THADA: variants seen among roughly 807,000 people sequenced by gnomAD.
The protein encoded by THADA is tRNA (32-2'-O)-methyltransferase regulator THADA.
A neutral mutation model predicts 219.8 loss-of-function variants in THADA; 213 were observed. The observed-to-expected ratio is 0.97, with a 90% CI of 0.87 to 1.09. The LOEUF (loss-of-function observed/expected upper bound fraction) is 1.09, where lower values mean the gene tolerates loss of function less well. Among genes scored for constraint, THADA ranks in the 50% least tolerant of loss-of-function variants. The probability of loss-of-function intolerance (pLI) is 0.00; values close to 1 mark genes in which losing one functional copy is unlikely to be tolerated. For synonymous variants in THADA, 1,018 were observed against 828.9 expected (o/e 1.23, Z -3.92); for missense variants, 2,956 against 2,311.3 (o/e 1.28, Z -5.72).
intron 31 of THADA, among the ~76,000 whole-genome samples, chr2:43,312,265 C>G (rs1056134113): frequency 6.6e-6 from 1 of 150,746 alleles, no homozygotes; most frequent in African/African-American, 2.4e-5. Flanking sequence ...TTGACTAGAA[C>G]GGTATTTCAC....
intron 21 of THADA, among the ~76,000 whole-genome samples, chr2:43,529,850 T>A (rs941037948): frequency 2.6e-5 from 4 of 152,184 alleles, no homozygotes; most frequent in African/African-American, 9.6e-5. Flanking sequence ...GTTAAACATG[T>A]CATCATGGGC....
chr2:43,428,117 A>G lies in THADA; in HGVS notation c.4041T>C (p.Phe1347=). ...GACACTACCTCATAATGAAGGGAAC[A>G]AAAGGTCCCATGCTGAGAGCAGAAG... The part of the protein sequence containing the change: ...GTSSALSMGP[F]VPFIMRCGHS... Residue 1347 remains phenylalanine, a synonymous_variant, in exon 28 of 38, where the codon TTT becomes TTC. Coordinates refer to ENST00000405975, the MANE Select transcript of THADA (RefSeq NM_022065.5). 6.2e-7 allele frequency: 1 copy of G among 1,609,242 alleles called. No homozygotes were observed. The highest frequency in any genetic ancestry group is 1.1e-5 in the South Asian group (1 of 90,818).
intron 28 of THADA, among the ~76,000 whole-genome samples, chr2:43,401,406 G>A (rs1674818713): frequency 6.6e-6 from 1 of 152,064 alleles, no homozygotes; most frequent in Non-Finnish European, 1.5e-5. Flanking sequence ...AGCCTCCCGA[G>A]TAGCTGGGAT....
At chr2:43,482,319 T>C (rs1686323879) in intron 26 of THADA, among the ~76,000 whole-genome samples, 1 of 152,158 alleles carries the variant, frequency 6.6e-6, no homozygotes, top group South Asian at 2.1e-4. Flanking sequence ...TCTACACACT[T>C]ACAAAGGATC....
chr2:43,505,725 G>A lies in THADA; in HGVS notation c.3518C>T (p.Ala1173Val). 1.3e-6 allele frequency: 2 copies of A among 1,578,866 alleles called. No individual in the cohort carries two copies. The highest frequency in any genetic ancestry group is 1.7e-4 in the Middle Eastern group (1 of 6,022). ...CATTCTGCCTTTCTTTGGTTCAGAT[G>A]CCAACAGTGCCTATGGAAAAAGAAT... ...GIPFYIQALLASEPKKGRMDL... is the reference protein window; with the variant it reads ...GIPFYIQALLVSEPKKGRMDL... Residue 1173 changes from alanine to valine, a missense_variant, in exon 24 of 38, where the codon GCA becomes GTA. Coordinates refer to ENST00000405975, the MANE Select transcript of THADA (RefSeq NM_022065.5).
At chr2:43,435,256 A>ATC (rs1679924599) in intron 26 of THADA, among the ~76,000 whole-genome samples, 1 of 152,086 alleles carries the variant, frequency 6.6e-6, no homozygotes, top group African/African-American at 2.4e-5. Flanking sequence ...GGAGTTCAAG[A>ATC]CCAGCCTGAC....
chr2:43,358,398 G>A (rs1286705310), intron 29 of THADA, among the ~76,000 whole-genome samples: 1 of 151,936 alleles, frequency 6.6e-6, no homozygotes, highest in African/African-American at 2.4e-5. Context: ...CTCCTCCTTT[G>A]ACTTTTCAGT....
rs1389089516 is a variant in THADA at position 43,287,067 on chromosome 2, A to T, written c.5011-6T>A. The T allele has an allele frequency of 1.9e-6, 3 of 1,610,126 alleles. No individual in the cohort carries two copies. Among genetic ancestry groups the T allele is most frequent in the East Asian group, 2.2e-5 (1 of 44,796 alleles). On this transcript the variant is annotated splice_polypyrimidine_tract_variant and splice_region_variant and intron_variant, in intron 34 of 37. Coordinates refer to ENST00000405975, the MANE Select transcript of THADA (RefSeq NM_022065.5). ...GCAGCTATCAATTCCCTGTTCTAAAAGCACAAAATGTACCTATCAGTAGTT... is the reference window on the plus strand; with the variant it reads ...GCAGCTATCAATTCCCTGTTCTAAATGCACAAAATGTACCTATCAGTAGTT...
intron 30 of THADA, among the ~76,000 whole-genome samples, chr2:43,330,156 A>T (rs1323412835): frequency 6.6e-6 from 1 of 152,164 alleles, no homozygotes; most frequent in Non-Finnish European, 1.5e-5. Context: ...TTCTGGCTAG[A>T]GGCTTTCCAT....
Position 43,350,961 on chromosome 2 carries a change from G to A in THADA, c.4228-6724C>T, listed in dbSNP as rs187496069. ...GGGAGAGAATCACAGGAAACAGGCC[G>A]TGAATATCTTTAAGGACTACAGTGT... On this transcript the variant is annotated intron_variant, in intron 29 of 37. Coordinates refer to ENST00000405975, the MANE Select transcript of THADA (RefSeq NM_022065.5). Among the ~76,000 whole-genome samples the A allele has an allele frequency of 4.6e-5, 7 of 152,262 alleles. No individual in the cohort carries two copies. In the East Asian group the frequency reaches 5.8e-4, roughly 13 times the overall value.
chr2:43,415,306 C>T (rs1315408363), intron 28 of THADA, among the ~76,000 whole-genome samples: 4 of 152,088 alleles, frequency 2.6e-5, no homozygotes, highest in African/African-American at 9.7e-5. Flanking sequence ...CTGCTTATGA[C>T]CTGTCAAATC....
intron 22 of THADA, among the ~76,000 whole-genome samples, chr2:43,522,942 G>T (rs1195721214): frequency 2.0e-5 from 3 of 151,258 alleles, no homozygotes; most frequent in African/African-American, 7.3e-5. Context: ...ACAAAAAAAA[G>T]AATATGGCTC....
At chr2:43,413,334 G>A (rs983585195) in intron 28 of THADA, among the ~76,000 whole-genome samples, 8 of 152,008 alleles carry the variant, frequency 5.3e-5, no homozygotes, top group African/African-American at 1.4e-4. Flanking sequence ...CACCACCCCC[G>A]CCCCATCACC....
chr2:43,546,398 G>C (rs558819209), intron 20 of THADA, among the ~76,000 whole-genome samples: 3 of 152,292 alleles, frequency 2.0e-5, no homozygotes, highest in South Asian at 4.1e-4. Context: ...GCTTGGTGCA[G>C]AACTGAGTTC....
chr2:43,497,228 A>G lies in THADA; in HGVS notation c.3744+1605T>C, dbSNP rs189214817. On this transcript the variant is annotated intron_variant, in intron 25 of 37. Coordinates refer to ENST00000405975, the MANE Select transcript of THADA (RefSeq NM_022065.5). ...ATATAAATCATTCGACTATAAAGAT[A>G]TATGAAACATATGTTTATTGCAGCA... is the stretch of plus-strand genomic sequence containing the variant. 4.7e-4 allele frequency among the ~76,000 whole-genome samples: 71 copies of G among 152,348 alleles called. 1 individual carries two copies. In the East Asian group the frequency reaches 0.011, roughly 24 times the overall value.
chr2:43,339,892 AAGTCCAGCATAGGC>A (rs1194768641), intron 30 of THADA, among the ~76,000 whole-genome samples: 6 of 152,140 alleles, frequency 3.9e-5, no homozygotes, highest in Non-Finnish European at 7.4e-5. Flanking sequence ...CCAGGAGTTC[AAGTCCAGCATAGGC>A]AACACAGCCA....
At chr2:43,492,538 C>G (rs940058815) in intron 25 of THADA, among the ~76,000 whole-genome samples, 10 of 152,156 alleles carry the variant, frequency 6.6e-5, no homozygotes, top group Non-Finnish European at 1.2e-4. Flanking sequence ...ACCACACACC[C>G]TATCCTTAAT....
intron 21 of THADA, among the ~76,000 whole-genome samples, chr2:43,535,721 C>T (rs892532019): frequency 6.9e-6 from 1 of 144,706 alleles, no homozygotes; most frequent in Admixed American, 6.9e-5. Context: ...TTTCCCAGAT[C>T]AATGTCCTGA....
At chr2:43,274,510 G>C (rs987706504) in intron 36 of THADA, among the ~76,000 whole-genome samples, 4 of 152,188 alleles carry the variant, frequency 2.6e-5, no homozygotes, top group African/African-American at 9.7e-5. Context: ...GTTGGGAAGA[G>C]AGAACTAAAG....
Sources: gnomAD v4.1 joint callset for allele counts (sites outside exome capture counted in the v4.1 genomes callset) on GRCh38, gnomAD v4.1.1 for gene constraint, MANE v1.5 for transcripts, NCBI Gene and HGNC (gene_info 2026-07-23, HGNC 2026-07-21) for gene names.